The following PCGF5 variants were observed in gnomAD, a reference collection of about 807,000 sequenced individuals.
PCGF5 encodes the protein polycomb group ring finger 5, also known as polycomb group RING finger protein 5.
In PCGF5, 9 loss-of-function variants were observed where a neutral mutation model predicts 44.3. The observed-to-expected ratio is 0.20, with a 90% CI of 0.12 to 0.35. The LOEUF (loss-of-function observed/expected upper bound fraction) is 0.35, where lower values mean the gene tolerates loss of function less well. PCGF5 is among the 10% of genes least tolerant of loss of function. The pLI is 1.00. For missense variants in PCGF5, 146 were observed against 305.3 expected (o/e 0.48, Z 3.89); for synonymous variants, 95 against 102.5 (o/e 0.93, Z 0.44).
chr10:91,210,992 C>T (rs1357214378), intron 1 of PCGF5, among the ~76,000 whole-genome samples: 1 of 152,128 alleles, frequency 6.6e-6, no homozygotes, highest in Non-Finnish European at 1.5e-5. Context: ...CTTTACAGTG[C>T]CTAAAGCAGT....
chr10:91,173,578 C>CTT (rs59254639), intron 1 of PCGF5, among the ~76,000 whole-genome samples: 9 of 115,626 alleles, frequency 7.8e-5, no homozygotes, highest in Non-Finnish European at 1.0e-4. Flanking sequence ...AGGGAGTTGG[C>CTT]TTTTTTTTTT....
chr10:91,181,192 T>C (rs1414972062), intron 1 of PCGF5, among the ~76,000 whole-genome samples: 1 of 152,218 alleles, frequency 6.6e-6, no homozygotes. Flanking sequence ...CTAGTGATTT[T>C]TGCATATTGA....
chr10:91,219,787 T>G (rs2133268778), upstream of PCGF5, among the ~76,000 whole-genome samples: 1 of 152,338 alleles, frequency 6.6e-6, no homozygotes, highest in South Asian at 2.1e-4. Context: ...GTCTACTGCT[T>G]GATGCATTTT....
intron 1 of PCGF5, among the ~76,000 whole-genome samples, chr10:91,191,177 T>TAAC (rs555804566): frequency 1.3e-5 from 2 of 152,270 alleles, no homozygotes; most frequent in South Asian, 4.1e-4. Context: ...AGTAAAAGAT[T>TAAC]AACAACAACA....
intron 1 of PCGF5, among the ~76,000 whole-genome samples, chr10:91,214,733 A>G (rs1844511648): frequency 6.6e-6 from 1 of 152,232 alleles, no homozygotes; most frequent in Non-Finnish European, 1.5e-5. Context: ...AAAATATGAT[A>G]ACCAGAACAG....
At chr10:91,162,198 G>T (rs918969023), upstream of PCGF5, among the ~76,000 whole-genome samples, 1 of 151,216 alleles carries the variant, frequency 6.6e-6, no homozygotes, top group African/African-American at 2.4e-5. Context: ...AAAAATGGAG[G>T]CCCAGCTATT....
At chr10:91,227,456 G>A (rs1241846342) in intron 2 of PCGF5, 1 of 1,288,794 alleles carries the variant, frequency 7.8e-7, no homozygotes, top group Non-Finnish European at 1.0e-6. Context: ...TATGCTCCAT[G>A]CTTGACTCTT....
intron 3 of PCGF5, among the ~76,000 whole-genome samples, chr10:91,243,432 A>T (rs1405867677): frequency 6.6e-6 from 1 of 152,232 alleles, no homozygotes; most frequent in African/African-American, 2.4e-5. Context: ...ATTGCCTGTG[A>T]CACATGTAGC....
chr10:91,187,017 T>A (rs533109715), intron 1 of PCGF5, among the ~76,000 whole-genome samples: 4 of 152,246 alleles, frequency 2.6e-5, no homozygotes, highest in Admixed American at 2.0e-4. Flanking sequence ...CAGATTCTGG[T>A]TTAGTTAGTC....
chr10:91,194,566 C>T (rs1229128005), intron 1 of PCGF5, among the ~76,000 whole-genome samples: 2 of 152,170 alleles, frequency 1.3e-5, no homozygotes, highest in Non-Finnish European at 1.5e-5. Flanking sequence ...TAAGATAATA[C>T]ATTTGTGTTG....
intron 2 of PCGF5, among the ~76,000 whole-genome samples, chr10:91,239,092 G>A (rs900524842): frequency 1.3e-5 from 2 of 152,024 alleles, no homozygotes; most frequent in African/African-American, 4.8e-5. Context: ...AATAGCTGCC[G>A]GCTCCCAGCA....
intron 1 of PCGF5, among the ~76,000 whole-genome samples, chr10:91,164,502 C>G (rs960362015): frequency 1.3e-5 from 2 of 152,294 alleles, no homozygotes; most frequent in East Asian, 3.9e-4. Flanking sequence ...AAGGAATCCT[C>G]CTAGTAATTG....
chr10:91,177,999 G>A (rs559447320), intron 1 of PCGF5, among the ~76,000 whole-genome samples: 7 of 152,296 alleles, frequency 4.6e-5, no homozygotes, highest in South Asian at 4.1e-4. Context: ...CATATTCTGC[G>A]TCGCTCACAC....
chr10:91,202,735 G>A (rs1225114458), intron 1 of PCGF5, among the ~76,000 whole-genome samples: 1 of 152,128 alleles, frequency 6.6e-6, no homozygotes, highest in Non-Finnish European at 1.5e-5. Flanking sequence ...TATTTTCAAT[G>A]TGCTTCTTAA....
intron 9 of PCGF5, among the ~76,000 whole-genome samples, chr10:91,277,834 CTT>C (rs1337153739): frequency 6.6e-6 from 1 of 151,816 alleles, no homozygotes; most frequent in Non-Finnish European, 1.5e-5. Flanking sequence ...GAGGGGGTCT[CTT>C]TGTTGATTTG....
chr10:91,214,249 G>A (rs2133257740), intron 1 of PCGF5, among the ~76,000 whole-genome samples: 1 of 152,112 alleles, frequency 6.6e-6, no homozygotes, highest in African/African-American at 2.4e-5. Context: ...CTGCAATGAG[G>A]CGTGATTGCA....
intron 1 of PCGF5, among the ~76,000 whole-genome samples, chr10:91,188,362 A>G (rs923971142): frequency 9.9e-5 from 15 of 152,228 alleles, no homozygotes; most frequent in Non-Finnish European, 2.1e-4. Context: ...TATTGGCTCT[A>G]AAATCATAGG....
chr10:91,202,567 A>T (rs1041286763), intron 1 of PCGF5, among the ~76,000 whole-genome samples: 14 of 152,210 alleles, frequency 9.2e-5, no homozygotes, highest in Admixed American at 3.3e-4. Flanking sequence ...GTTACTGTTA[A>T]TTATTAAGAG....
rs1030756812 is a variant in PCGF5, at chr10:91,283,770, A to T, written c.*5454A>T. 2 of 152,410 alleles carry T rather than the reference A, an allele frequency of 1.3e-5. No individual in the cohort carries two copies. Among genetic ancestry groups the T allele is most frequent in the Non-Finnish European group, 2.9e-5 (2 of 68,050 alleles). 9.4% of individuals were successfully genotyped at this position (152,410 alleles called of 1,614,324 possible). On this transcript the variant is annotated 3_prime_UTR_variant, in exon 10 of 10. Coordinates refer to ENST00000336126, the MANE Select transcript of PCGF5 (RefSeq NM_032373.5). Reference sequence around the variant, plus strand: ...ACAACAGAGATCATCAGTTTTAAATAGAGTAGCCCTCACAATCAAAATATC... The same window carrying T: ...ACAACAGAGATCATCAGTTTTAAATTGAGTAGCCCTCACAATCAAAATATC...
Sources: gnomAD v4.1 joint callset for allele counts (sites outside exome capture counted in the v4.1 genomes callset) on GRCh38, gnomAD v4.1.1 for gene constraint, MANE v1.5 for transcripts, NCBI Gene and HGNC (gene_info 2026-07-23, HGNC 2026-07-21) for gene names.